Variants in FNDC1 observed in about 807,000 individuals in gnomAD.
The protein encoded by FNDC1 is fibronectin type III domain containing 1, also known as fibronectin type III domain-containing protein 1.
Under a neutral mutation model 168.0 loss-of-function variants are expected in FNDC1, and 96 were observed. That is an observed-to-expected ratio of 0.57 (90% CI 0.48 to 0.68). The LOEUF (loss-of-function observed/expected upper bound fraction) is 0.68. FNDC1 is among the 30% of genes least tolerant of loss of function. FNDC1 has a pLI of 0.00. For synonymous variants in FNDC1, 1,099 were observed against 1,025.9 expected, an observed-to-expected ratio of 1.07 and a Z score of -1.36; for missense variants, 2,587 against 2,482.1, an observed-to-expected ratio of 1.04 and a Z score of -0.90.
rs367898652 is a variant in FNDC1 at position 159,233,323 on chromosome 6, T to A, written c.2811T>A (p.His937Gln). The change falls in exon 11 of 23, where the codon CAT (histidine) becomes CAA (glutamine). Residue 937 changes from histidine (H) to glutamine (Q), a missense_variant. Transcript: ENST00000297267. The surrounding 1 kb of genome is among the most constrained non-coding windows in gnomAD (Gnocchi z 4.6). Reference sequence around the variant, plus strand: ...CCAAATCCACAGGGGCAGATACACATCCTCAGGGCAAGTACTCCTCCCTGG... The same window carrying A: ...CCAAATCCACAGGGGCAGATACACAACCTCAGGGCAAGTACTCCTCCCTGG... Reference protein sequence around the residue: ...ENPKSTGADTHPQGKYSSLAS... With the variant: ...ENPKSTGADTQPQGKYSSLAS... The A allele has an allele frequency of 7.4e-6, 12 of 1,613,504 alleles. No homozygotes were observed. In the African/African-American group the frequency reaches 1.5e-4, roughly 20 times the overall value.
At chr6:159,221,535 C>T in intron 5 of FNDC1, 63 bp from the exon 6 acceptor site, 1 of 1,331,890 alleles carries the variant, frequency 7.5e-7, no homozygotes, top group South Asian at 1.2e-5. Flanking sequence ...GCTCCAGCCC[C>T]AGGGGATGTG....
intron 22 of FNDC1, among the ~76,000 whole-genome samples, chr6:159,270,829 T>C (rs1777730205): frequency 6.6e-6 from 1 of 152,236 alleles, no homozygotes; most frequent in South Asian, 2.1e-4. Flanking sequence ...TCTGGCTCAA[T>C]GTCATCCATC....
intron 19 of FNDC1, among the ~76,000 whole-genome samples, chr6:159,262,244 C>A (rs1405062426): frequency 6.6e-6 from 1 of 152,168 alleles, no homozygotes; most frequent in Non-Finnish European, 1.5e-5. Context: ...CAGCCCTGCA[C>A]CCAGCTTCCA....
At chr6:159,183,907 C>T (rs991900742) in intron 1 of FNDC1, among the ~76,000 whole-genome samples, 1 of 152,230 alleles carries the variant, frequency 6.6e-6, no homozygotes, top group Non-Finnish European at 1.5e-5. Context: ...CAGCTGCCAC[C>T]ACTGGCTTTC....
chr6:159,227,316 G>C (rs1782974165), intron 9 of FNDC1, among the ~76,000 whole-genome samples: 1 of 152,230 alleles, frequency 6.6e-6, no homozygotes, highest in South Asian at 2.1e-4. Context: ...GGGTAGGAAG[G>C]AATGGAGGTT....
intron 8 of FNDC1, 98 bp downstream of exon 8, chr6:159,225,820 C>T (rs1433545712): frequency 5.4e-6 from 6 of 1,107,770 alleles, no homozygotes; most frequent in South Asian, 1.9e-5. Context: ...CAAAGGCCAG[C>T]GTGGGCATTT....
rs775991463 is a variant in FNDC1, at chr6:159,234,496, AAC to A, written c.3967+19_3967+20del. ...ACAGACAAGGTAGTTTATTTTTTCAAACAGTCTTTCTTTAAGGTGTTCAGTGG... is the reference window on the plus strand; with the variant it reads ...ACAGACAAGGTAGTTTATTTTTTCAAAGTCTTTCTTTAAGGTGTTCAGTGG... On this transcript the variant is annotated intron_variant, in intron 11 of 22. Coordinates refer to ENST00000297267, the MANE Select transcript of FNDC1 (RefSeq NM_032532.3). 1.5e-5 allele frequency: 24 copies of A among 1,611,652 alleles called. No homozygotes were observed. In the South Asian group the frequency reaches 2.5e-4, roughly 17 times the overall value.
intron 18 of FNDC1, among the ~76,000 whole-genome samples, chr6:159,256,997 A>C (rs1468276440): frequency 6.6e-6 from 1 of 152,240 alleles, no homozygotes; most frequent in East Asian, 1.9e-4. Context: ...GCAATCACTA[A>C]ACACTTAAAT....
chr6:159,219,469 C>T (rs567607601), intron 5 of FNDC1, among the ~76,000 whole-genome samples: 14 of 152,202 alleles, frequency 9.2e-5, no homozygotes, highest in East Asian at 5.8e-4. Flanking sequence ...GCTCTGCACC[C>T]GCCCCTCCTC....
At chr6:159,175,514 G>A (rs71565734) in intron 1 of FNDC1, among the ~76,000 whole-genome samples, 129 of 152,320 alleles carry the variant, frequency 8.5e-4, no homozygotes, top group Non-Finnish European at 1.6e-3. Flanking sequence ...TGCTCAGAAT[G>A]CCTTCCTGAG....
Position 159,232,326 on chromosome 6 carries a change from C to T in FNDC1, c.1814C>T (p.Ala605Val), listed in dbSNP as rs1159894025. 6.2e-7 allele frequency: 1 copy of T among 1,613,254 alleles called. No homozygotes were observed. Among genetic ancestry groups the T allele is most frequent in the Middle Eastern group, 1.6e-4 (1 of 6,062 alleles). Residue 605 changes from alanine (A) to valine (V), a missense_variant, in exon 11 of 23, where the codon GCC becomes GTC. Physicochemically the swap from Ala to Val is moderately conservative, Grantham distance 64 (BLOSUM62 0). Transcript: ENST00000297267. The surrounding 1 kb of genome is among the most constrained non-coding windows in gnomAD (Gnocchi z 4.9). ...EGVDKPGFSL[A>V]TQPRPGAPPS... ...GTAGATAAGCCTGGCTTTTCCCTGG[C>T]CACGCAGCCCCGCCCAGGGGCGCCC...
chr6:159,243,667 A>G (rs1311456666), intron 14 of FNDC1, among the ~76,000 whole-genome samples: 2 of 152,168 alleles, frequency 1.3e-5, no homozygotes, highest in Non-Finnish European at 1.5e-5. Context: ...TAAAATATCC[A>G]GTTTTACATA....
chr6:159,239,095 A>T lies in FNDC1; in HGVS notation c.4181-422A>T, dbSNP rs117716423. Among the ~76,000 whole-genome samples the T allele has an allele frequency of 5.6e-4, 86 of 152,344 alleles. 1 individual carries two copies. In the East Asian group the frequency reaches 0.014, roughly 24 times the overall value. On this transcript the variant is annotated intron_variant, in intron 13 of 22. Transcript: ENST00000297267. The stretch of plus-strand genomic sequence containing the variant: ...ATACGCAAAGTTTTACTGGAACACA[A>T]TACACTCACTTAATTATGCACTGTC...
At chr6:159,179,864 T>C (rs950687002) in intron 1 of FNDC1, among the ~76,000 whole-genome samples, 3 of 152,202 alleles carry the variant, frequency 2.0e-5, no homozygotes, top group African/African-American at 4.8e-5. Flanking sequence ...TATTTATGTA[T>C]GTTGACCGGC....
At chr6:159,193,443 C>T (rs1782180340) in intron 1 of FNDC1, among the ~76,000 whole-genome samples, 1 of 152,058 alleles carries the variant, frequency 6.6e-6, no homozygotes, top group Non-Finnish European at 1.5e-5. Context: ...TCTTGTTGGT[C>T]TTACCTCCTT....
chr6:159,251,060 A>G (rs1314773394), intron 16 of FNDC1, among the ~76,000 whole-genome samples: 2 of 152,204 alleles, frequency 1.3e-5, no homozygotes, highest in Non-Finnish European at 2.9e-5. Context: ...CTTTGCGGGC[A>G]TAGTCATTGA....
Position 159,239,517 on chromosome 6 carries a change from A to T in FNDC1, c.4181A>T (p.Asp1394Val). Residue 1394 changes from aspartate to valine, a missense_variant and splice_region_variant, in exon 14 of 23, where the codon GAT becomes GTT. Asp to Val is a radical substitution (Grantham distance 152). Coordinates refer to ENST00000297267, the MANE Select transcript of FNDC1 (RefSeq NM_032532.3). ...TAGCTATTGGTTGATTTTGTTTCAG[A>T]TCTGGAAGGGACCCCCGTGGTGAGT... ...KLGGDGRTIV[D>V]LEGTPVVSPD... 1 of 1,583,324 alleles carries T rather than the reference A, an allele frequency of 6.3e-7. No individual in the cohort carries two copies.
chr6:159,247,683 G>A (rs149914618), intron 15 of FNDC1, among the ~76,000 whole-genome samples: 4 of 151,856 alleles, frequency 2.6e-5, no homozygotes, highest in Admixed American at 6.5e-5. Context: ...CCAGGAGTTC[G>A]AGCTATGATG....
rs1334849067 is a variant in FNDC1, at chr6:159,246,959, A to G, written c.4680A>G (p.Ile1560Met). The change falls in exon 15 of 23, where the codon ATA becomes ATG. Residue 1560 changes from isoleucine to methionine, a missense_variant. Ile to Met is a conservative substitution (Grantham distance 10, BLOSUM62 1). Transcript: ENST00000297267. Reference protein sequence around the residue: ...TAVPTEEAYVIYDEDYEFETS... With the variant: ...TAVPTEEAYVMYDEDYEFETS... ...TACCTACGGAAGAGGCCTACGTTAT[A>G]TATGATGAAGGTACAAACTGGCTTT... The G allele has an allele frequency of 1.2e-6, 2 of 1,610,386 alleles. No homozygotes were observed. The highest frequency in any genetic ancestry group is 1.7e-6 in the Non-Finnish European group (2 of 1,176,600).
Sources: allele counts gnomAD v4.1 joint callset (sites outside exome capture counted in the v4.1 genomes callset), GRCh38; gene constraint gnomAD v4.1.1; non-coding constraint Gnocchi (gnomAD v3.1); transcripts MANE v1.5; gene names NCBI Gene and HGNC (gene_info 2026-07-23, HGNC 2026-07-21).